The following KALRN variants were observed in gnomAD, a reference collection of about 807,000 sequenced individuals.
KALRN encodes kalirin.
In KALRN, 70 loss-of-function variants were observed where a neutral mutation model predicts 353.7. The observed-to-expected ratio is 0.20, with a 90% confidence interval of 0.16 to 0.24. The LOEUF is 0.24. Ranked by LOEUF, KALRN falls within the 10% of genes least tolerant of loss-of-function variation. KALRN has a pLI of 1.00. For missense variants in KALRN, 2,791 were observed against 3,756.7 expected, an observed-to-expected ratio of 0.74 and a Z score of 6.72; for synonymous variants, 1,391 against 1,434.8, an observed-to-expected ratio of 0.97 and a Z score of 0.69.
intron 37 of KALRN, among the ~76,000 whole-genome samples, chr3:124,638,349 C>A (rs1002961860): frequency 1.2e-4 from 17 of 144,666 alleles, no homozygotes; most frequent in South Asian, 6.6e-4. Context: ...AAAAAAAAAA[C>A]AAAAACCTGC....
intron 51 of KALRN, among the ~76,000 whole-genome samples, chr3:124,684,126 T>C (rs2061457138): frequency 6.6e-6 from 1 of 152,118 alleles, no homozygotes; most frequent in African/African-American, 2.4e-5. Flanking sequence ...AACTCTCTAT[T>C]CCTCTCCATC....
intron 10 of KALRN, among the ~76,000 whole-genome samples, chr3:124,369,911 C>T (rs1406923397): frequency 6.6e-6 from 1 of 152,142 alleles, no homozygotes; most frequent in Non-Finnish European, 1.5e-5. Context: ...ATAACATATT[C>T]TAGGTCCATT....
chr3:124,266,827 A>G (rs1229928513), intron 4 of KALRN, among the ~76,000 whole-genome samples: 4 of 152,258 alleles, frequency 2.6e-5, no homozygotes, highest in Non-Finnish European at 5.9e-5. Context: ...CCAGAACACT[A>G]GAAGTCCTGC....
At chr3:124,519,147 A>G (rs1577679201) in intron 33 of KALRN, 1 of 985,398 alleles carries the variant, frequency 1.0e-6, no homozygotes, top group East Asian at 1.1e-4. Context: ...TGGTTCAAAG[A>G]CCACCCTACC....
intron 1 of KALRN, among the ~76,000 whole-genome samples, chr3:124,045,643 T>C (rs749346159): frequency 6.6e-6 from 1 of 152,210 alleles, no homozygotes; most frequent in East Asian, 1.9e-4. Context: ...CTTACACTCA[T>C]TTATCGAAGT....
At chr3:124,668,223 A>T (rs2085923925) in intron 47 of KALRN, among the ~76,000 whole-genome samples, 1 of 152,142 alleles carries the variant, frequency 6.6e-6, no homozygotes, top group African/African-American at 2.4e-5. Context: ...CGGGTGTGTC[A>T]CCTTTTCATG....
intron 1 of KALRN, among the ~76,000 whole-genome samples, chr3:124,201,118 G>A (rs1369155317): frequency 2.6e-5 from 4 of 152,206 alleles, no homozygotes; most frequent in Non-Finnish European, 5.9e-5. Flanking sequence ...ATGATGCCAG[G>A]AGATTCTGCA....
intron 1 of KALRN, among the ~76,000 whole-genome samples, chr3:124,065,530 T>G (rs2042279679): frequency 6.6e-6 from 1 of 150,850 alleles, no homozygotes. Flanking sequence ...GCAAAAATGA[T>G]GAAGCAAATA....
At chr3:124,409,034 C>T (rs1193197577) in intron 13 of KALRN, among the ~76,000 whole-genome samples, 1 of 152,150 alleles carries the variant, frequency 6.6e-6, no homozygotes, top group Non-Finnish European at 1.5e-5. Flanking sequence ...TTTATTTTGG[C>T]ACTTTCTCTG....
intron 14 of KALRN, among the ~76,000 whole-genome samples, chr3:124,420,847 G>C (rs1268192426): frequency 6.6e-6 from 1 of 152,198 alleles, no homozygotes; most frequent in Non-Finnish European, 1.5e-5. Flanking sequence ...TGTTGCAGGT[G>C]TGTTGGTGGT....
chr3:124,461,421 T>C lies in KALRN; in HGVS notation c.3855-469T>C, dbSNP rs1180074404. Among the ~76,000 whole-genome samples, 11 of 152,148 alleles carry C rather than the reference T, an allele frequency of 7.2e-5. 1 individual carries two copies. The highest frequency in any genetic ancestry group is 7.2e-4 in the Admixed American group (11 of 15,262). ...CTTTTCCTGGCTTTGAAACCTGGTT[T>C]ATTATGATACTAAGAACTGTTTTGG... On this transcript the variant is annotated intron_variant, in intron 23 of 59. Transcript: ENST00000682506.
At chr3:124,629,705 A>G (rs1028291371) in intron 34 of KALRN, among the ~76,000 whole-genome samples, 2 of 152,194 alleles carry the variant, frequency 1.3e-5, no homozygotes, top group African/African-American at 4.8e-5. Context: ...CTTACTTGTC[A>G]GCTAAAGTCC....
At position 124,673,101 on chromosome 3, in the gene KALRN, C is replaced by T. The variant is rs142141198; in HGVS notation, c.6942+1203C>T. Among the ~76,000 whole-genome samples the T allele has an allele frequency of 2.8e-3, 420 of 152,186 alleles. 1 individual carries two copies. The highest frequency in any genetic ancestry group is 9.4e-3 in the African/African-American group (392 of 41,520). ...CACTTTGGCATTTTGTCAAACATAT[C>T]GGGCCAGATGCGCTGGCTCACGCCT... On this transcript the variant is annotated intron_variant, in intron 48 of 59. Transcript: ENST00000682506.
chr3:124,058,233 T>C (rs2041720051), intron 1 of KALRN, among the ~76,000 whole-genome samples: 1 of 152,180 alleles, frequency 6.6e-6, no homozygotes, highest in Admixed American at 6.5e-5. Flanking sequence ...AGACAAACCA[T>C]ATCAGCATCC....
chr3:124,522,183 A>G (rs562980368), intron 33 of KALRN, among the ~76,000 whole-genome samples: 1 of 152,118 alleles, frequency 6.6e-6, no homozygotes, highest in Non-Finnish European at 1.5e-5. Context: ...ATATACATAC[A>G]TATGTACATA....
intron 41 of KALRN, 136 bp downstream of exon 41, chr3:124,657,939 ACC>A: frequency 1.5e-6 from 1 of 671,210 alleles, no homozygotes; most frequent in South Asian, 1.8e-5. Context: ...GGGTGGCTTG[ACC>A]CCAGGAATTG....
chr3:124,347,306 GTGTGTGT>G, intron 10 of KALRN, 41 bp downstream of exon 10: 1 of 1,565,622 alleles, frequency 6.4e-7, no homozygotes, highest in Non-Finnish European at 8.7e-7. Context: ...GTGTGTGTGT[GTGTGTGT>G]GTGTGTGTCT....
rs2150268667 is a variant in KALRN at position 124,413,619 on chromosome 3, G to A, written c.2496G>A (p.Gln832=). 1 of 1,614,130 alleles carries A rather than the reference G, an allele frequency of 6.2e-7. No individual in the cohort carries two copies. The highest frequency in any genetic ancestry group is 1.1e-5 in the South Asian group (1 of 91,064). The part of the protein sequence containing the change: ...AMNNMTFEVI[Q]QGQDLHQYIT... The stretch of plus-strand genomic sequence containing the variant: ...ACAACATGACCTTTGAGGTTATCCA[G>A]CAGGGACAGGATCTGCACCAGTACA... The change falls in exon 14 of 60, where the codon CAG becomes CAA. Residue 832 remains glutamine (Q), a synonymous_variant. Coordinates refer to ENST00000682506, the MANE Select transcript of KALRN (RefSeq NM_001388419.1).
In KALRN at chr3:124,685,973, G is replaced by A. The variant is rs79607754; in HGVS notation, c.7377+6456G>A. On this transcript the variant is annotated intron_variant, in intron 51 of 59. Transcript: ENST00000682506. ...CATGCTGTCAAAGTTCACTCAGCGT[G>A]AGTTCCTAGTCAGTTCAATTTCACA... 3.7e-3 allele frequency among the ~76,000 whole-genome samples: 570 copies of A among 152,048 alleles called. 4 individuals carry two copies. The highest frequency in any genetic ancestry group is 0.013 in the African/African-American group (537 of 41,454).
Sources: allele counts gnomAD v4.1 joint callset (sites outside exome capture counted in the v4.1 genomes callset), GRCh38; gene constraint gnomAD v4.1.1; transcripts MANE v1.5; gene names NCBI Gene and HGNC (gene_info 2026-07-23, HGNC 2026-07-21).